The following WWOX variants were observed in gnomAD, a reference collection of about 807,000 sequenced individuals.
WWOX encodes the protein WW domain containing oxidoreductase, also known as WW domain-containing oxidoreductase.
WWOX carries 69 observed loss-of-function variants against 46.2 expected under a neutral mutation model. That is an observed-to-expected ratio of 1.49 (90% CI 1.23 to 1.82). WWOX has a LOEUF of 1.82. Among genes scored for constraint, WWOX ranks in the 40% most tolerant of loss-of-function variants. WWOX has a pLI of 0.00. For missense variants in WWOX, 919 were observed against 542.6 expected, an observed-to-expected ratio of 1.69 and a Z score of -6.89; for synonymous variants, 359 against 202.6, an observed-to-expected ratio of 1.77 and a Z score of -6.56.
At chr16:78,779,229 C>T (rs1487083118) in intron 8 of WWOX, among the ~76,000 whole-genome samples, 1 of 152,210 alleles carries the variant, frequency 6.6e-6, no homozygotes, top group Non-Finnish European at 1.5e-5. Flanking sequence ...AGTACAACAT[C>T]TGCCTCCCTG....
intron 8 of WWOX, chr16:78,996,129 G>T (rs896573490): frequency 1.1e-6 from 1 of 890,258 alleles, no homozygotes; most frequent in African/African-American, 1.8e-5. Context: ...GTCAGCTCAG[G>T]CGTAGAATGT....
At chr16:78,535,723 C>T (rs925096543) in intron 8 of WWOX, 4 of 152,166 alleles carry the variant, frequency 2.6e-5, no homozygotes, top group African/African-American at 9.7e-5. Context: ...GTCTTTGTTA[C>T]AATGTATGTT....
At chr16:78,673,537 A>T (rs1041404711) in intron 8 of WWOX, among the ~76,000 whole-genome samples, 4 of 152,206 alleles carry the variant, frequency 2.6e-5, no homozygotes, top group African/African-American at 9.6e-5. Flanking sequence ...ACTTGATTGG[A>T]AAGAGAAGCT....
At chr16:78,482,336 C>A (rs2738688) in intron 8 of WWOX, among the ~76,000 whole-genome samples, 25,013 of 152,016 alleles carry the variant, frequency 0.16, 2,148 homozygotes, top group African/African-American at 0.2. Flanking sequence ...ATTCTCCTTC[C>A]TCGGCCTCCG....
At chr16:78,330,393 T>A (rs1046781842) in intron 5 of WWOX, among the ~76,000 whole-genome samples, 61 of 151,178 alleles carry the variant, frequency 4.0e-4, no homozygotes, top group African/African-American at 1.1e-3. Context: ...ATTTCACCAG[T>A]GATAATTTTT....
At chr16:78,546,915 C>G (rs550555918) in intron 8 of WWOX, among the ~76,000 whole-genome samples, 1 of 151,960 alleles carries the variant, frequency 6.6e-6, no homozygotes, top group East Asian at 1.9e-4. Context: ...TCACTTGAGC[C>G]CAGGGGTTTC....
chr16:78,856,679 A>G lies in WWOX; in HGVS notation c.1057-354929A>G, dbSNP rs530652625. On this transcript the variant is annotated intron_variant, in intron 8 of 8. Transcript: ENST00000566780. ...AGAAATGGAATAGATCTCTTTCAGT[A>G]CAATGGGAAGGGGCATATAATTCAG... 5.9e-5 allele frequency among the ~76,000 whole-genome samples: 9 copies of G among 152,324 alleles called. No homozygotes were observed. In the South Asian group the frequency reaches 1.4e-3, roughly 25 times the overall value.
intron 8 of WWOX, among the ~76,000 whole-genome samples, chr16:78,561,068 A>G (rs758827369): frequency 5.3e-5 from 8 of 152,176 alleles, no homozygotes; most frequent in African/African-American, 1.9e-4. Flanking sequence ...TCCACTGCCA[A>G]GCTCATTCAG....
chr16:79,063,578 C>T (rs945350590), intron 8 of WWOX, among the ~76,000 whole-genome samples: 3 of 152,148 alleles, frequency 2.0e-5, no homozygotes, highest in Non-Finnish European at 4.4e-5. Flanking sequence ...ATTCCAGGAG[C>T]GGATTTGGAA....
chr16:78,213,886 A>G (rs976333190), intron 5 of WWOX, among the ~76,000 whole-genome samples: 1 of 152,150 alleles, frequency 6.6e-6, no homozygotes, highest in Non-Finnish European at 1.5e-5. Flanking sequence ...TGGGGCCCCC[A>G]GGGCGGTTTC....
intron 5 of WWOX, among the ~76,000 whole-genome samples, chr16:78,381,905 G>A (rs1449248677): frequency 2.6e-5 from 4 of 152,164 alleles, no homozygotes; most frequent in South Asian, 2.1e-4. Context: ...TTGTTCTGTT[G>A]CCCAGGCTGG....
rs529040035 is a variant in WWOX, at chr16:78,587,577, G to A, written c.1056+154825G>A. Among the ~76,000 whole-genome samples, 17 of 152,162 alleles carry A rather than the reference G, an allele frequency of 1.1e-4. No individual in the cohort carries two copies. The East Asian group carries it at 2.9e-3, about 26-fold the overall frequency. ...CGCTCACTGCCCTCCCCTGATTACC[G>A]TAAACAGAGATGTTGATGAGAAGAA... is the stretch of plus-strand genomic sequence containing the variant. On this transcript the variant is annotated intron_variant, in intron 8 of 8. Coordinates refer to ENST00000566780, the MANE Select transcript of WWOX (RefSeq NM_016373.4).
intron 8 of WWOX, among the ~76,000 whole-genome samples, chr16:78,986,027 G>C (rs2046778113): frequency 6.6e-6 from 1 of 152,310 alleles, no homozygotes; most frequent in East Asian, 1.9e-4. Context: ...GGGCATCCCA[G>C]GGTCAGAATT....
rs2051799800 is a variant in WWOX, at chr16:79,212,462, A to C, written c.*666A>C. ...TTTAGAGATTATAACAAATTTTTCA[A>C]ATCATTCCTTAGATACCTTGAAAGG... is the stretch of plus-strand genomic sequence containing the variant. On this transcript the variant is annotated 3_prime_UTR_variant, in exon 9 of 9. Transcript: ENST00000566780. The C allele has an allele frequency of 5.3e-5, 13 of 244,452 alleles. No individual in the cohort carries two copies. The South Asian group carries it at 1.2e-3, about 22-fold the overall frequency. The allele number at this position is 244,452 out of a possible 1,614,324, so 15.1% of individuals were successfully genotyped here.
At chr16:78,733,426 G>T (rs2049011199) in intron 8 of WWOX, among the ~76,000 whole-genome samples, 3 of 152,008 alleles carry the variant, frequency 2.0e-5, no homozygotes, top group Admixed American at 6.6e-5. Flanking sequence ...CTGCACTCCA[G>T]CCTAAGCAAC....
intron 5 of WWOX, among the ~76,000 whole-genome samples, chr16:78,256,210 G>A (rs1190344017): frequency 1.4e-5 from 2 of 147,814 alleles, no homozygotes; most frequent in Non-Finnish European, 3.0e-5. Context: ...ACTCCATGAA[G>A]TGAGCACACT....
rs563075749 is a variant in WWOX, at chr16:78,462,873, C to T, written c.1056+30121C>T. On this transcript the variant is annotated intron_variant, in intron 8 of 8. Transcript: ENST00000566780. Reference sequence around the variant, plus strand: ...CTAAATTTTTGTTGCTTTCCTGGGTCTTGCCCTGTCCTTACTGTTTCCCTT... The same window carrying T: ...CTAAATTTTTGTTGCTTTCCTGGGTTTTGCCCTGTCCTTACTGTTTCCCTT... 2.6e-5 allele frequency among the ~76,000 whole-genome samples: 4 copies of T among 152,302 alleles called. No homozygotes were observed. In the South Asian group the frequency reaches 8.3e-4, roughly 32 times the overall value.
intron 5 of WWOX, among the ~76,000 whole-genome samples, chr16:78,205,012 A>G (rs2036347750): frequency 6.6e-6 from 1 of 152,258 alleles, no homozygotes; most frequent in African/African-American, 2.4e-5. Context: ...TTATGAATGA[A>G]TAAACTGTTT....
At chr16:78,385,809 A>C (rs2082048298) in intron 5 of WWOX, among the ~76,000 whole-genome samples, 1 of 152,166 alleles carries the variant, frequency 6.6e-6, no homozygotes, top group African/African-American at 2.4e-5. Context: ...GACTCTTCTT[A>C]TTTGAATAGG....
Sources: allele counts gnomAD v4.1 joint callset (sites outside exome capture counted in the v4.1 genomes callset), GRCh38; gene constraint gnomAD v4.1.1; transcripts MANE v1.5; gene names NCBI Gene and HGNC (gene_info 2026-07-23, HGNC 2026-07-21).